The following LBHD1 variants were observed in gnomAD, a reference collection of about 807,000 sequenced individuals.
The protein encoded by LBHD1 is LBH domain containing 1, also known as LBH domain-containing protein 1.
In LBHD1, 28 loss-of-function variants were observed where a neutral mutation model predicts 31.1. The observed-to-expected ratio is 0.90, with a 90% CI of 0.67 to 1.24. The LOEUF (loss-of-function observed/expected upper bound fraction) is 1.24, where lower values mean the gene tolerates loss of function less well. LBHD1 is among the 50% of genes most tolerant of loss of function. LBHD1 has a pLI of 0.00. For synonymous variants in LBHD1, 105 were observed against 116.5 expected, an observed-to-expected ratio of 0.90 and a Z score of 0.63; for missense variants, 350 against 323.0, an observed-to-expected ratio of 1.08 and a Z score of -0.64.
chr11:62,666,123 A>G, intron 4 of LBHD1: 1 of 818,082 alleles, frequency 1.2e-6, no homozygotes, highest in Non-Finnish European at 1.9e-6. Context: ...CGAGGCGGGC[A>G]GATCGCTTGG....
intron 1 of LBHD1, 52 bp from the exon 2 acceptor site, chr11:62,670,093 C>T: frequency 1.3e-6 from 2 of 1,515,582 alleles, no homozygotes; most frequent in South Asian, 1.3e-5. Context: ...GCCCAGTGCA[C>T]CCCACAAACT....
intron 3 of LBHD1, among the ~76,000 whole-genome samples, chr11:62,669,146 T>G (rs1160824643): frequency 6.6e-6 from 1 of 152,118 alleles, no homozygotes; most frequent in Non-Finnish European, 1.5e-5. Context: ...GGTCTCGATC[T>G]CCTGACCTTG....
intron 4 of LBHD1, chr11:62,665,668 T>TC (rs1944787212): frequency 6.8e-7 from 1 of 1,466,616 alleles, no homozygotes; most frequent in Admixed American, 2.4e-5. Context: ...CTGTATACCC[T>TC]CCTCCACTTC....
intron 4 of LBHD1, chr11:62,666,563 G>A: frequency 6.2e-7 from 1 of 1,614,186 alleles, no homozygotes; most frequent in Non-Finnish European, 8.5e-7. Flanking sequence ...TCCTCTGCGA[G>A]TGCTGGATGT....
At chr11:62,667,071 A>G in intron 4 of LBHD1, 1 of 1,547,848 alleles carries the variant, frequency 6.5e-7, no homozygotes, top group Admixed American at 2.0e-5. Context: ...AGTAGTCCTG[A>G]CCCTAGTATT....
chr11:62,664,081 GGA>G (rs1944725344), intron 5 of LBHD1, among the ~76,000 whole-genome samples: 2 of 48,654 alleles, frequency 4.1e-5, no homozygotes, highest in Non-Finnish European at 9.3e-5. Context: ...TCAAAAAAGA[GGA>G]AAAAAAAAAA....
At position 62,667,526 on chromosome 11, in the gene LBHD1, C is replaced by T. The variant is rs775079346; in HGVS notation, c.535G>A (p.Glu179Lys). ...YSHLLPPNSFEGAEEEAVQTP... is the reference protein window; with the variant it reads ...YSHLLPPNSFKGAEEEAVQTP... ...AGGGGGAGGGAACAATACTTACCCT[C>T]AAAGCTATTAGGAGGCAGGAGATGG... The change falls in exon 4 of 7, where the codon GAG becomes AAG. Residue 179 changes from glutamate to lysine, a missense_variant. By Grantham distance (56) the Glu-to-Lys change is moderately conservative. Transcript: ENST00000354588. 169 of 1,613,818 alleles carry T rather than the reference C, an allele frequency of 1.0e-4. No homozygotes were observed. Among genetic ancestry groups the T allele is most frequent in the Non-Finnish European group, 1.4e-4 (160 of 1,179,910 alleles).
Position 62,671,926 on chromosome 11 carries a change from C to G in LBHD1, c.-373G>C, listed in dbSNP as rs1202992953. The G allele has an allele frequency of 1.2e-6, 2 of 1,613,128 alleles. No individual in the cohort carries two copies. Among genetic ancestry groups the G allele is most frequent in the Non-Finnish European group, 1.7e-6 (2 of 1,179,318 alleles). On this transcript the variant is annotated 5_prime_UTR_variant, in exon 1 of 7. Transcript: ENST00000354588. The stretch of plus-strand genomic sequence containing the variant: ...GGGTGGAGAGCCCCGGACTGGAGCT[C>G]CTGCGAACTCCCCTTCCTGCCCTCA...
At chr11:62,663,742 T>G (rs868319826) in intron 5 of LBHD1, among the ~76,000 whole-genome samples, 2 of 147,370 alleles carry the variant, frequency 1.4e-5, no homozygotes, top group Non-Finnish European at 3.0e-5. Context: ...ATATAAATAG[T>G]AATAGAAACC....
rs542585815 is a variant in LBHD1 at position 62,671,728 on chromosome 11, C to G, written c.-175G>C. On this transcript the variant is annotated 5_prime_UTR_variant, in exon 1 of 7. Coordinates refer to ENST00000354588, the MANE Select transcript of LBHD1 (RefSeq NM_024099.5). ...GCGGGGAGCTCCCGTGGGCGCTCCG[C>G]TGGCTGTGCAGGCGGCCATGGATTC... The G allele has an allele frequency of 1.2e-6, 2 of 1,612,156 alleles. No homozygotes were observed. Among genetic ancestry groups the G allele is most frequent in the Non-Finnish European group, 1.7e-6 (2 of 1,179,280 alleles).
chr11:62,667,070 GA>G, intron 4 of LBHD1: 2 of 1,552,624 alleles, frequency 1.3e-6, no homozygotes, highest in Non-Finnish European at 1.7e-6. Flanking sequence ...TAGTAGTCCT[GA>G]CCCTAGTATT....
intron 4 of LBHD1, chr11:62,666,623 C>T (rs776034294): frequency 1.9e-6 from 3 of 1,614,178 alleles, no homozygotes; most frequent in Non-Finnish European, 8.5e-7. Context: ...CAAATCTCCA[C>T]ACCCAGTGGA....
Position 62,664,929 on chromosome 11 carries a change from C to G in LBHD1, c.583G>C (p.Gly195Arg). 6.2e-7 allele frequency: 1 copy of G among 1,607,346 alleles called. No individual in the cohort carries two copies. The highest frequency in any genetic ancestry group is 8.5e-7 in the Non-Finnish European group (1 of 1,177,234). Reference protein sequence around the residue: ...AVQTPAGVESGAASEAPGGRG... With the variant: ...AVQTPAGVESRAASEAPGGRG... ...CCACCCGGTGCCTCAGACGCCGCTCCCGATTCAACACCCGCCGGCGTTTGA... is the reference window on the plus strand; with the variant it reads ...CCACCCGGTGCCTCAGACGCCGCTCGCGATTCAACACCCGCCGGCGTTTGA... Residue 195 changes from glycine to arginine, a missense_variant, in exon 5 of 7, where the codon GGA becomes CGA. Coordinates refer to ENST00000354588, the MANE Select transcript of LBHD1 (RefSeq NM_024099.5).
rs1228965747 is a variant in LBHD1 at position 62,663,084 on chromosome 11, TC to T, written c.*44del. 1 of 1,611,776 alleles carries T rather than the reference TC, an allele frequency of 6.2e-7. No individual in the cohort carries two copies. The highest frequency in any genetic ancestry group is 1.3e-5 in the African/African-American group (1 of 74,876). ...ATCTTCAAGGTCCTTCATTTCTACATCCTGGGGGGCTTTTGTCTTCTTTTGC... is the reference window on the plus strand; with the variant it reads ...ATCTTCAAGGTCCTTCATTTCTACATCTGGGGGGCTTTTGTCTTCTTTTGC... On this transcript the variant is annotated 3_prime_UTR_variant, in exon 7 of 7. Coordinates refer to ENST00000354588, the MANE Select transcript of LBHD1 (RefSeq NM_024099.5).
intron 5 of LBHD1, 28 bp from the exon 6 acceptor site, chr11:62,663,361 C>T (rs778502737): frequency 4.9e-5 from 78 of 1,603,220 alleles, no homozygotes; most frequent in Admixed American, 8.5e-5. Context: ...ATAAAGAGAG[C>T]TAGGTTAACC....
At chr11:62,665,278 G>A (rs558607507) in intron 4 of LBHD1, 2 of 738,484 alleles carry the variant, frequency 2.7e-6, no homozygotes, top group African/African-American at 1.7e-5. Context: ...GCGGGTCCTC[G>A]GGCTATATAA....
intron 3 of LBHD1, chr11:62,669,345 T>C (rs1412973548): frequency 6.3e-6 from 6 of 957,288 alleles, no homozygotes; most frequent in Non-Finnish European, 7.4e-6. Context: ...TGCAGTGAGC[T>C]GAGATCGCGC....
At chr11:62,668,480 CA>C (rs974530699) in intron 3 of LBHD1, 239 of 59,174 alleles carry the variant, frequency 4.0e-3, no homozygotes, top group South Asian at 0.024. Flanking sequence ...GACTCTGTCT[CA>C]AAAAAAAAAA....
intron 4 of LBHD1, chr11:62,667,063 T>G (rs1033054402): frequency 1.3e-6 from 2 of 1,581,168 alleles, no homozygotes; most frequent in African/African-American, 2.7e-5. Flanking sequence ...GACATTTTAG[T>G]AGTCCTGACC....
Sources: allele counts gnomAD v4.1 joint callset (sites outside exome capture counted in the v4.1 genomes callset), GRCh38; gene constraint gnomAD v4.1.1; transcripts MANE v1.5; gene names NCBI Gene and HGNC (gene_info 2026-07-23, HGNC 2026-07-21).